Variants in TMEM86A observed in about 807,000 individuals in gnomAD.
TMEM86A encodes transmembrane protein 86A, also known as lysoplasmalogenase TMEM86A.
Under a neutral mutation model 19.8 loss-of-function variants are expected in TMEM86A, and 13 were observed. That is an observed-to-expected ratio of 0.66 (90% confidence interval 0.43 to 1.04). TMEM86A has a LOEUF of 1.04. Ranked by LOEUF, TMEM86A falls within the 50% of genes least tolerant of loss-of-function variation. TMEM86A has a pLI of 0.00. For missense variants in TMEM86A, 248 were observed against 306.8 expected (o/e 0.81, Z 1.43); for synonymous variants, 128 against 129.9 (o/e 0.99, Z 0.10).
In TMEM86A at chr11:18,699,382, A is replaced by G. The variant is rs1848130318; in HGVS notation, c.21+475A>G. ...TTGGCGGACGCCCCTGAGTCTAAGAAGCGCTGATAACGCGCTGGGGGAAAA... is the reference window on the plus strand; with the variant it reads ...TTGGCGGACGCCCCTGAGTCTAAGAGGCGCTGATAACGCGCTGGGGGAAAA... On this transcript the variant is annotated intron_variant, in intron 1 of 2. Transcript: ENST00000280734. This position sits in a 1 kb window ranked among gnomAD's most constrained non-coding sequence, Gnocchi z 4.0. Among the ~76,000 whole-genome samples, 1 of 152,228 alleles carries G rather than the reference A, an allele frequency of 6.6e-6. No homozygotes were observed. Among genetic ancestry groups the G allele is most frequent in the South Asian group, 2.1e-4 (1 of 4,826 alleles).
Position 18,701,663 on chromosome 11 carries a change from C to G in TMEM86A, c.377C>G (p.Ala126Gly). 1 of 1,610,872 alleles carries G rather than the reference C, an allele frequency of 6.2e-7. No homozygotes were observed. The highest frequency in any genetic ancestry group is 1.3e-5 in the African/African-American group (1 of 74,982). ...CTTCGGACAGGTCTGGTGATGGCAG[C>G]GCTGTCGGGCCTGTGCTATGCCCTC... The part of the protein sequence containing the change: ...LALRTGLVMA[A>G]LSGLCYALLY... Residue 126 changes from alanine (A) to glycine (G), a missense_variant, in exon 3 of 3, where the codon GCG becomes GGG. Ala to Gly is a moderately conservative substitution (Grantham distance 60). Coordinates refer to ENST00000280734, the MANE Select transcript of TMEM86A (RefSeq NM_153347.3). The surrounding 1 kb of genome is among the most constrained non-coding windows in gnomAD (Gnocchi z 5.3).
rs901203797 is a variant in TMEM86A at position 18,699,494 on chromosome 11, A to G, written c.21+587A>G. On this transcript the variant is annotated intron_variant, in intron 1 of 2. Transcript: ENST00000280734. This position sits in a 1 kb window ranked among gnomAD's most constrained non-coding sequence, Gnocchi z 4.0. ...GTCTCCCCATCCTCCTTATTCTACT[A>G]CTGGGTTCCCTATAACTGTCAGGGT... 6.6e-6 allele frequency among the ~76,000 whole-genome samples: 1 copy of G among 152,098 alleles called. No homozygotes were observed. The highest frequency in any genetic ancestry group is 6.5e-5 in the Admixed American group (1 of 15,288).
rs1466527176 is a variant in TMEM86A at position 18,703,745 on chromosome 11, T to A, written c.*1736T>A. 6.6e-6 allele frequency: 1 copy of A among 152,172 alleles called. No individual in the cohort carries two copies. Among genetic ancestry groups the A allele is most frequent in the Non-Finnish European group, 1.5e-5 (1 of 68,038 alleles). The allele number at this position is 152,172 out of a possible 1,614,324, so 9.4% of individuals were successfully genotyped here. On this transcript the variant is annotated 3_prime_UTR_variant, in exon 3 of 3. Transcript: ENST00000280734. ...GGGGATGTGATTTAGGAGACTCAAG[T>A]CTCAGGGGTGGTTGGATGAGTCAGT...
rs762107087 is a variant in TMEM86A, at chr11:18,698,868, A to AGCCGCC, written c.-6_-1dup. On this transcript the variant is annotated 5_prime_UTR_variant, in exon 1 of 3. Coordinates refer to ENST00000280734, the MANE Select transcript of TMEM86A (RefSeq NM_153347.3). ...CCGCTGCAGCCCGGAGCAGGGTGCC[A>AGCCGCC]GCCGCCGCCGCCGCCGCCATGGTGT... is the stretch of plus-strand genomic sequence containing the variant. 31 of 674,386 alleles carry AGCCGCC rather than the reference A, an allele frequency of 4.6e-5. No homozygotes were observed. Among genetic ancestry groups the AGCCGCC allele is most frequent in the South Asian group, 1.4e-4 (9 of 64,516 alleles). The allele number at this position is 674,386 out of a possible 1,614,324, so 41.8% of individuals were successfully genotyped here.
chr11:18,699,038 C>T lies in TMEM86A; in HGVS notation c.21+131C>T, dbSNP rs1365534449. Reference sequence around the variant, plus strand: ...GGGTCCCGTGGCGGCCGGAGTCCCGCGGCGGGAGGCGGGCGCTGTCACCGC... The same window carrying T: ...GGGTCCCGTGGCGGCCGGAGTCCCGTGGCGGGAGGCGGGCGCTGTCACCGC... On this transcript the variant is annotated intron_variant, in intron 1 of 2. Coordinates refer to ENST00000280734, the MANE Select transcript of TMEM86A (RefSeq NM_153347.3). The surrounding 1 kb of genome is among the most constrained non-coding windows in gnomAD (Gnocchi z 4.0). The T allele has an allele frequency of 1.1e-5, 4 of 369,362 alleles. No homozygotes were observed. Among genetic ancestry groups the T allele is most frequent in the African/African-American group, 4.2e-5 (2 of 47,240 alleles). 22.9% of individuals were successfully genotyped at this position (369,362 alleles called of 1,614,324 possible). A position where few individuals can be genotyped will look rare whatever the true frequency, so the allele number is the denominator to read the frequency against.
chr11:18,699,004 G>A lies in TMEM86A; in HGVS notation c.21+97G>A. 2.5e-6 allele frequency: 1 copy of A among 400,332 alleles called. No individual in the cohort carries two copies. 24.8% of individuals were successfully genotyped at this position (400,332 alleles called of 1,614,324 possible). ...AGGCCGAGCTGCCGAAGGGGCCGAG[G>A]CGGGGCGGGGGTCCCGTGGCGGCCG... On this transcript the variant is annotated intron_variant, in intron 1 of 2. Coordinates refer to ENST00000280734, the MANE Select transcript of TMEM86A (RefSeq NM_153347.3). This position sits in a 1 kb window ranked among gnomAD's most constrained non-coding sequence, Gnocchi z 4.0.
In TMEM86A at chr11:18,701,044, CT is replaced by C; in HGVS notation, c.134del (p.Leu45ArgfsTer36). The C allele has an allele frequency of 6.2e-7, 1 of 1,614,202 alleles. No homozygotes were observed. The highest frequency in any genetic ancestry group is 8.5e-7 in the Non-Finnish European group (1 of 1,180,042). ...PSWVSTLIKC[L>X]PIFCLWLFLL... ...GTGGGTCAGCACCCTCATCAAGTGC[CT>C]GCCTATCTTCTGCCTCTGGCTCTTC... On this transcript the variant is annotated frameshift_variant, in exon 2 of 3. Coordinates refer to ENST00000280734, the MANE Select transcript of TMEM86A (RefSeq NM_153347.3). LOFTEE classifies it high-confidence loss of function. The surrounding 1 kb of genome is among the most constrained non-coding windows in gnomAD (Gnocchi z 5.3).
rs1848141149 is a variant in TMEM86A at position 18,700,670 on chromosome 11, G to C, written c.22-263G>C. 4 of 551,942 alleles carry C rather than the reference G, an allele frequency of 7.2e-6. No homozygotes were observed. In the Admixed American group the frequency reaches 1.2e-4, roughly 17 times the overall value. The allele number at this position is 551,942 out of a possible 1,614,324, so 34.2% of individuals were successfully genotyped here. Reference sequence around the variant, plus strand: ...GGGGCCCTGAGGAGGGAGAAGGAGGGGGCAGGAAGGGAGAAGCACACTAGG... The same window carrying C: ...GGGGCCCTGAGGAGGGAGAAGGAGGCGGCAGGAAGGGAGAAGCACACTAGG... On this transcript the variant is annotated intron_variant, in intron 1 of 2. Transcript: ENST00000280734.
rs1352378943 is a variant in TMEM86A, at chr11:18,701,906, C to T, written c.620C>T (p.Ala207Val). Residue 207 changes from alanine (A) to valine (V), a missense_variant, in exon 3 of 3, where the codon GCG becomes GTG. By Grantham distance (64) the Ala-to-Val change is moderately conservative (BLOSUM62 0). Coordinates refer to ENST00000280734, the MANE Select transcript of TMEM86A (RefSeq NM_153347.3). This position sits in a 1 kb window ranked among gnomAD's most constrained non-coding sequence, Gnocchi z 5.3. ...TGTTTTCCTGTGCCCTACTCTCGGG[C>T]GCTTATCATGTCCACCTACTATGTG... is the stretch of plus-strand genomic sequence containing the variant. The part of the protein sequence containing the change: ...KFCFPVPYSR[A>V]LIMSTYYVAQ... 6.8e-6 allele frequency: 11 copies of T among 1,613,960 alleles called. No homozygotes were observed. Among genetic ancestry groups the T allele is most frequent in the African/African-American group, 1.3e-5 (1 of 74,934 alleles).
chr11:18,701,516 T>C lies in TMEM86A; in HGVS notation c.287-57T>C, dbSNP rs1275001820. 6.0e-6 allele frequency: 9 copies of C among 1,501,914 alleles called. No individual in the cohort carries two copies. The Admixed American group carries it at 6.5e-5, about 11-fold the overall frequency. 93.0% of individuals were successfully genotyped at this position (1,501,914 alleles called of 1,614,324 possible). On this transcript the variant is annotated intron_variant, in intron 2 of 2. Coordinates refer to ENST00000280734, the MANE Select transcript of TMEM86A (RefSeq NM_153347.3). The surrounding 1 kb of genome is among the most constrained non-coding windows in gnomAD (Gnocchi z 5.3). ...GCCACATCCATCCCTACCCCCACCC[T>C]GTTACTCATTCTTCATCAAGCTTGC...
At position 18,702,127 on chromosome 11, in the gene TMEM86A, A is replaced by C. The variant is rs955890563; in HGVS notation, c.*118A>C. The C allele has an allele frequency of 1.8e-6, 2 of 1,090,226 alleles. No individual in the cohort carries two copies. The highest frequency in any genetic ancestry group is 3.1e-5 in the African/African-American group (2 of 63,776). The allele number at this position is 1,090,226 out of a possible 1,614,324, so 67.5% of individuals were successfully genotyped here. A position where few individuals can be genotyped will look rare whatever the true frequency, so the allele number is the denominator to read the frequency against. ...AGCCTGGGGCAGCAGGTACTGCCTG[A>C]GGAATTTGCAAGTTCGTGTGGGGAG... On this transcript the variant is annotated 3_prime_UTR_variant, in exon 3 of 3. Coordinates refer to ENST00000280734, the MANE Select transcript of TMEM86A (RefSeq NM_153347.3).
rs779842504 is a variant in TMEM86A, at chr11:18,702,687, C to T, written c.*678C>T. 32 of 155,410 alleles carry T rather than the reference C, an allele frequency of 2.1e-4. No homozygotes were observed. The highest frequency in any genetic ancestry group is 2.0e-4 in the South Asian group (1 of 5,006). The allele number at this position is 155,410 out of a possible 1,614,324, so 9.6% of individuals were successfully genotyped here. A position where few individuals can be genotyped will look rare whatever the true frequency, so the allele number is the denominator to read the frequency against. Reference sequence around the variant, plus strand: ...AATTCAAGTAGCCCCATCTCTCTCTCGGGCAAGCCCAAAGCTCAGGTCCCA... The same window carrying T: ...AATTCAAGTAGCCCCATCTCTCTCTTGGGCAAGCCCAAAGCTCAGGTCCCA... On this transcript the variant is annotated 3_prime_UTR_variant, in exon 3 of 3. Transcript: ENST00000280734.
Position 18,701,239 on chromosome 11 carries a change from G to C in TMEM86A, c.286+42G>C. ...GTTGCCTGGGAGGAGTCCTGGGGCT[G>C]GGGGATAGAGGGTCCTGGGCTGTGG... On this transcript the variant is annotated intron_variant, in intron 2 of 2. Transcript: ENST00000280734. This position sits in a 1 kb window ranked among gnomAD's most constrained non-coding sequence, Gnocchi z 5.3. 1.3e-6 allele frequency: 2 copies of C among 1,598,798 alleles called. No individual in the cohort carries two copies. Among genetic ancestry groups the C allele is most frequent in the Non-Finnish European group, 1.7e-6 (2 of 1,172,018 alleles).
In TMEM86A at chr11:18,701,563, T is replaced by C; in HGVS notation, c.287-10T>C. The C allele has an allele frequency of 6.5e-7, 1 of 1,538,350 alleles. No homozygotes were observed. Among genetic ancestry groups the C allele is most frequent in the East Asian group, 2.3e-5 (1 of 44,230 alleles). ...TTGCCCTCAGCTGCCTTTGCCCCTCTTACCCCCAGGTCTGCTGATGTTTGC... is the reference window on the plus strand; with the variant it reads ...TTGCCCTCAGCTGCCTTTGCCCCTCCTACCCCCAGGTCTGCTGATGTTTGC... On this transcript the variant is annotated splice_polypyrimidine_tract_variant and intron_variant, in intron 2 of 2. Coordinates refer to ENST00000280734, the MANE Select transcript of TMEM86A (RefSeq NM_153347.3). This position sits in a 1 kb window ranked among gnomAD's most constrained non-coding sequence, Gnocchi z 5.3.
rs778368176 is a variant in TMEM86A, at chr11:18,701,111, G to T, written c.200G>T (p.Ser67Ile). ...HGLGFLLAHP[S>I]ATRIFVGLVF... ...CTGGGATTCCTGCTGGCCCACCCCA[G>T]CGCCACCCGCATCTTTGTGGGGCTT... Residue 67 changes from serine to isoleucine, a missense_variant, in exon 2 of 3, where the codon AGC (serine) becomes ATC (isoleucine). Ser to Ile is a moderately radical substitution (Grantham distance 142). Coordinates refer to ENST00000280734, the MANE Select transcript of TMEM86A (RefSeq NM_153347.3). The surrounding 1 kb of genome is among the most constrained non-coding windows in gnomAD (Gnocchi z 5.3). 1 of 1,614,090 alleles carries T rather than the reference G, an allele frequency of 6.2e-7. No homozygotes were observed. Among genetic ancestry groups the T allele is most frequent in the South Asian group, 1.1e-5 (1 of 91,086 alleles).
Position 18,701,987 on chromosome 11 carries a change from A to G in TMEM86A, c.701A>G (p.Tyr234Cys), listed in dbSNP as rs1186031925. The G allele has an allele frequency of 1.9e-6, 3 of 1,607,904 alleles. No homozygotes were observed. Among genetic ancestry groups the G allele is most frequent in the East Asian group, 4.5e-5 (2 of 44,878 alleles). The stretch of plus-strand genomic sequence containing the variant: ...GAAAGCCGGGAGCCTGTGGAACACT[A>G]CAGACTGACCAAGGCCAACTGAGGT... ...AVESREPVEH[Y>C]RLTKAN is the part of the protein sequence containing the mutation. Residue 234 changes from tyrosine to cysteine, a missense_variant, in exon 3 of 3, where the codon TAC becomes TGC. Coordinates refer to ENST00000280734, the MANE Select transcript of TMEM86A (RefSeq NM_153347.3). The surrounding 1 kb of genome is among the most constrained non-coding windows in gnomAD (Gnocchi z 5.3).
rs751964903 is a variant in TMEM86A at position 18,701,606 on chromosome 11, A to T, written c.320A>T (p.Tyr107Phe). 1 of 1,574,842 alleles carries T rather than the reference A, an allele frequency of 6.3e-7. No individual in the cohort carries two copies. Among genetic ancestry groups the T allele is most frequent in the Admixed American group, 1.8e-5 (1 of 56,324 alleles). Reference protein sequence around the residue: ...LLMFAVTHMFYASAFGMQPLA... With the variant: ...LLMFAVTHMFFASAFGMQPLA... ...ATGTTTGCTGTGACCCACATGTTCT[A>T]CGCCTCGGCCTTTGGCATGCAGCCA... The change falls in exon 3 of 3, where the codon TAC (tyrosine) becomes TTC (phenylalanine). Residue 107 changes from tyrosine (Y) to phenylalanine (F), a missense_variant. Transcript: ENST00000280734. This position sits in a 1 kb window ranked among gnomAD's most constrained non-coding sequence, Gnocchi z 5.3.
At position 18,701,004 on chromosome 11, in the gene TMEM86A, C is replaced by G. The variant is rs756661341; in HGVS notation, c.93C>G (p.Pro31=). 6.2e-6 allele frequency: 10 copies of G among 1,614,196 alleles called. No homozygotes were observed. The highest frequency in any genetic ancestry group is 7.6e-6 in the Non-Finnish European group (9 of 1,180,040). The change falls in exon 2 of 3, where the codon CCC becomes CCG. Residue 31 remains proline (P), a synonymous_variant. Transcript: ENST00000280734. This position sits in a 1 kb window ranked among gnomAD's most constrained non-coding sequence, Gnocchi z 5.3. ...ATCVYFVLWL[P]SSSPSWVSTL... The stretch of plus-strand genomic sequence containing the variant: ...GCGTGTATTTTGTGCTCTGGCTGCC[C>G]TCATCTAGCCCATCGTGGGTCAGCA...
Position 18,701,073 on chromosome 11 carries a change from T to G in TMEM86A, c.162T>G (p.Leu54=). 1 of 1,614,152 alleles carries G rather than the reference T, an allele frequency of 6.2e-7. No homozygotes were observed. The highest frequency in any genetic ancestry group is 8.5e-7 in the Non-Finnish European group (1 of 1,180,034). The change falls in exon 2 of 3, where the codon CTT becomes CTG. Residue 54 remains leucine (L), a synonymous_variant. Coordinates refer to ENST00000280734, the MANE Select transcript of TMEM86A (RefSeq NM_153347.3). This position sits in a 1 kb window ranked among gnomAD's most constrained non-coding sequence, Gnocchi z 5.3. Reference sequence around the variant, plus strand: ...CTATCTTCTGCCTCTGGCTCTTCCTTCTGGCCCATGGCCTGGGATTCCTGC... The same window carrying G: ...CTATCTTCTGCCTCTGGCTCTTCCTGCTGGCCCATGGCCTGGGATTCCTGC... The part of the protein sequence containing the change: ...CLPIFCLWLF[L]LAHGLGFLLA...
Sources: allele counts gnomAD v4.1 joint callset (sites outside exome capture counted in the v4.1 genomes callset), GRCh38; gene constraint gnomAD v4.1.1; non-coding constraint Gnocchi (gnomAD v3.1); transcripts MANE v1.5; gene names NCBI Gene and HGNC (gene_info 2026-07-23, HGNC 2026-07-21).